The following GRAMD1B variants were observed in gnomAD, a reference collection of about 807,000 sequenced individuals.
The protein encoded by GRAMD1B is GRAM domain containing 1B, also known as protein Aster-B.
In GRAMD1B, 37 loss-of-function variants were observed where a neutral mutation model predicts 99.7. The ratio of observed to expected loss-of-function variants is 0.37; its 90% CI spans 0.29 to 0.49. GRAMD1B has a LOEUF of 0.49. GRAMD1B is among the 20% of genes least tolerant of loss of function. The pLI, the probability that GRAMD1B is intolerant of heterozygous loss-of-function variation, is 0.98. For missense variants in GRAMD1B, 888 were observed against 1,009.2 expected (o/e 0.88, Z 1.63); for synonymous variants, 427 against 387.6 (o/e 1.10, Z -1.19).
At chr11:123,529,221 G>A (rs541197669) in intron 2 of GRAMD1B, among the ~76,000 whole-genome samples, 2 of 152,160 alleles carry the variant, frequency 1.3e-5, no homozygotes, top group Admixed American at 6.5e-5. Context: ...AGATAAGTGC[G>A]GTGAACAGCA....
intron 11 of GRAMD1B, 137 bp from the exon 12 acceptor site, chr11:123,608,522 C>T (rs1953053241): frequency 6.5e-7 from 1 of 1,541,818 alleles, no homozygotes; most frequent in African/African-American, 1.4e-5. Flanking sequence ...GCTCAGCTGT[C>T]CTGCTCCGTG....
intron 1 of GRAMD1B, among the ~76,000 whole-genome samples, chr11:123,391,749 C>A (rs912395135): frequency 1.3e-5 from 2 of 152,204 alleles, no homozygotes; most frequent in Non-Finnish European, 2.9e-5. Flanking sequence ...AGCCACCACA[C>A]CCGGCCAATT....
chr11:123,594,019 C>T (rs905889649), intron 4 of GRAMD1B, 63 bp from the exon 5 acceptor site: 16 of 1,113,072 alleles, frequency 1.4e-5, no homozygotes, highest in Non-Finnish European at 2.2e-5. Context: ...CCTCATCTTG[C>T]CCTTCCTTCC....
intron 3 of GRAMD1B, among the ~76,000 whole-genome samples, chr11:123,581,691 C>T (rs954692181): frequency 6.6e-6 from 1 of 152,190 alleles, no homozygotes; most frequent in African/African-American, 2.4e-5. Context: ...GTATGTTTCA[C>T]GTTTCTTTTC....
intron 1 of GRAMD1B, chr11:123,454,345 A>T (rs1476117544): frequency 3.3e-5 from 5 of 152,228 alleles, no homozygotes; most frequent in African/African-American, 1.2e-4. Context: ...GGCCAAGCTT[A>T]TCTGATCTGA....
intron 2 of GRAMD1B, among the ~76,000 whole-genome samples, chr11:123,540,047 A>T (rs1944353293): frequency 6.6e-6 from 1 of 152,006 alleles, no homozygotes; most frequent in Non-Finnish European, 1.5e-5. Context: ...CTCTAAGAGT[A>T]AAGAGTTATC....
intron 7 of GRAMD1B, among the ~76,000 whole-genome samples, chr11:123,599,728 C>T (rs1290876): frequency 0.82 from 124,554 of 151,788 alleles, 51,345 homozygotes; most frequent in East Asian, 0.99. Flanking sequence ...CCACCTCGGC[C>T]TCCCAAAGTG....
At chr11:123,530,212 T>TC (rs1943210745) in intron 2 of GRAMD1B, among the ~76,000 whole-genome samples, 5 of 151,454 alleles carry the variant, frequency 3.3e-5, no homozygotes, top group South Asian at 4.2e-4. Flanking sequence ...TTTTTTTTTT[T>TC]CTACTTCTCC....
At chr11:123,557,576 C>G (rs1487550505) in intron 2 of GRAMD1B, among the ~76,000 whole-genome samples, 1 of 152,192 alleles carries the variant, frequency 6.6e-6, no homozygotes, top group Non-Finnish European at 1.5e-5. Context: ...CAGATACATA[C>G]TATGTGTCAG....
Position 123,430,927 on chromosome 11 carries a change from G to A in GRAMD1B, c.135G>A (p.Met45Ile), listed in dbSNP as rs991194659. 2 of 702,646 alleles carry A rather than the reference G, an allele frequency of 2.8e-6. No homozygotes were observed. Among genetic ancestry groups the A allele is most frequent in the African/African-American group, 3.5e-5 (2 of 57,268 alleles). The allele number at this position is 702,646 out of a possible 1,614,324, so 43.5% of individuals were successfully genotyped here. A position where few individuals can be genotyped will look rare whatever the true frequency, so the allele number is the denominator to read the frequency against. Residue 45 changes from methionine (M) to isoleucine (I), a missense_variant, in exon 1 of 20, where the codon ATG becomes ATA. By Grantham distance (10) the Met-to-Ile change is conservative. This residue lies in a region of GRAMD1B where 233 missense variants were observed against 154.6 expected (regional missense o/e 1.51). Transcript: ENST00000635736. ...TPTLRRRRFK[M>I]RRMKNVQEQS... ...CGCTTCGCCGCCGGCGCTTCAAGATGCGCCGCATGAAGAACGTACAGGAGC... is the reference window on the plus strand; with the variant it reads ...CGCTTCGCCGCCGGCGCTTCAAGATACGCCGCATGAAGAACGTACAGGAGC...
chr11:123,608,762 G>T lies in GRAMD1B; in HGVS notation c.1617G>T (p.Ser539=), dbSNP rs144081962. The change falls in exon 12 of 20, where the codon TCG becomes TCT. Residue 539 remains serine, a synonymous_variant. Transcript: ENST00000635736. ...DKLYDLLFTN[S]PFQRDFMEQR... ...TCTATGACCTCCTCTTCACCAACTC[G>T]CCCTTCCAGCGGGATTTCATGGAGC... The T allele has an allele frequency of 6.4e-7, 1 of 1,551,842 alleles. No homozygotes were observed. Among genetic ancestry groups the T allele is most frequent in the Non-Finnish European group, 8.7e-7 (1 of 1,147,164 alleles).
intron 1 of GRAMD1B, among the ~76,000 whole-genome samples, chr11:123,379,970 G>A (rs897958853): frequency 6.6e-5 from 10 of 152,132 alleles, no homozygotes; most frequent in East Asian, 1.9e-4. Context: ...TGTACTTATC[G>A]ACCATTTGTA....
At chr11:123,609,733 C>T (rs1320446441) in intron 12 of GRAMD1B, 62 bp from the exon 13 acceptor site, 2 of 1,002,972 alleles carry the variant, frequency 2.0e-6, no homozygotes, top group Non-Finnish European at 3.1e-6. Context: ...GGAGGGGAAA[C>T]TTGGATTGGG....
chr11:123,517,761 G>A (rs1157566437), intron 2 of GRAMD1B, among the ~76,000 whole-genome samples: 2 of 152,132 alleles, frequency 1.3e-5, no homozygotes, highest in African/African-American at 4.8e-5. Context: ...TTGGGCAGAC[G>A]ACTTTCACTT....
intron 2 of GRAMD1B, among the ~76,000 whole-genome samples, chr11:123,527,585 G>A (rs947447706): frequency 1.3e-5 from 2 of 152,128 alleles, no homozygotes; most frequent in African/African-American, 2.4e-5. Context: ...CTGGGTGGGA[G>A]GCTATTAGCA....
intron 2 of GRAMD1B, among the ~76,000 whole-genome samples, chr11:123,523,191 G>A (rs1942363146): frequency 6.6e-6 from 1 of 152,098 alleles, no homozygotes; most frequent in Non-Finnish European, 1.5e-5. Context: ...AATTAACCGG[G>A]CATCGTGGTG....
At chr11:123,606,129 C>T (rs893545456) in intron 10 of GRAMD1B, among the ~76,000 whole-genome samples, 3 of 152,244 alleles carry the variant, frequency 2.0e-5, no homozygotes, top group Non-Finnish European at 4.4e-5. Flanking sequence ...AGAATGAAAA[C>T]ATTATTCATT....
chr11:123,385,495 T>C (rs899499999), intron 1 of GRAMD1B, among the ~76,000 whole-genome samples: 1 of 152,198 alleles, frequency 6.6e-6, no homozygotes, highest in Non-Finnish European at 1.5e-5. Flanking sequence ...ATACCTTTGT[T>C]CTTTCTTTCC....
In GRAMD1B at chr11:123,430,697, G is replaced by A. The variant is rs549195564; in HGVS notation, c.-96G>A. On this transcript the variant is annotated 5_prime_UTR_variant, in exon 1 of 20. The change creates a new upstream start codon in the 5' untranslated region. Coordinates refer to ENST00000635736, the MANE Select transcript of GRAMD1B (RefSeq NM_001387025.1). ...GTTCCTTCGGCCCCAGGATTGGGGA[G>A]TGTGCCGCGGGGCCGAGGGTGGGGA... 5 of 580,988 alleles carry A rather than the reference G, an allele frequency of 8.6e-6. No homozygotes were observed. The South Asian group carries it at 1.0e-4, about 12-fold the overall frequency. The allele number at this position is 580,988 out of a possible 1,614,324, so 36.0% of individuals were successfully genotyped here. A position where few individuals can be genotyped will look rare whatever the true frequency, so the allele number is the denominator to read the frequency against.
Sources: allele counts gnomAD v4.1 joint callset (sites outside exome capture counted in the v4.1 genomes callset), GRCh38; gene constraint gnomAD v4.1.1; regional missense constraint gnomAD v4.1.1; transcripts MANE v1.5; gene names NCBI Gene and HGNC (gene_info 2026-07-23, HGNC 2026-07-21).